The following ZMAT4 variants were observed in gnomAD, a reference collection of about 807,000 sequenced individuals.
ZMAT4 encodes zinc finger matrin-type protein 4.
In ZMAT4, 17 loss-of-function variants were observed where a neutral mutation model predicts 28.7. That is an observed-to-expected ratio of 0.59 (90% CI 0.41 to 0.89). The LOEUF is 0.89. Among genes scored for constraint, ZMAT4 ranks in the 40% least tolerant of loss-of-function variants. ZMAT4 has a pLI of 0.00. For synonymous variants in ZMAT4, 117 were observed against 109.2 expected, an observed-to-expected ratio of 1.07 and a Z score of -0.44; for missense variants, 240 against 283.8, an observed-to-expected ratio of 0.85 and a Z score of 1.11.
At chr8:40,558,026 G>T (rs1317932070) in intron 6 of ZMAT4, among the ~76,000 whole-genome samples, 11 of 152,184 alleles carry the variant, frequency 7.2e-5, no homozygotes, top group Non-Finnish European at 1.6e-4. Context: ...TGTGATGACT[G>T]GGGGCAGTGC....
chr8:40,592,593 C>T (rs576178388), intron 5 of ZMAT4, among the ~76,000 whole-genome samples: 2 of 152,156 alleles, frequency 1.3e-5, no homozygotes, highest in Non-Finnish European at 2.9e-5. Context: ...AAAGTTGTTT[C>T]CAAACAAACG....
chr8:40,604,914 T>G (rs1476680499), intron 5 of ZMAT4, among the ~76,000 whole-genome samples: 3 of 152,196 alleles, frequency 2.0e-5, no homozygotes, highest in Non-Finnish European at 4.4e-5. Flanking sequence ...GTCATTGGTC[T>G]GTTCAGAGTT....
chr8:40,635,181 T>C (rs190928238), intron 5 of ZMAT4, among the ~76,000 whole-genome samples: 59 of 152,218 alleles, frequency 3.9e-4, no homozygotes, highest in Non-Finnish European at 7.8e-4. Context: ...ATTTCATTTG[T>C]GTGATTTCTG....
chr8:40,546,117 C>A (rs894584035), intron 6 of ZMAT4, among the ~76,000 whole-genome samples: 1 of 151,882 alleles, frequency 6.6e-6, no homozygotes, highest in African/African-American at 2.4e-5. Context: ...AGGAAAACAA[C>A]GCAAAGCAAA....
chr8:40,612,093 C>T (rs561198738), intron 5 of ZMAT4, among the ~76,000 whole-genome samples: 4 of 152,260 alleles, frequency 2.6e-5, no homozygotes, highest in African/African-American at 9.6e-5. Flanking sequence ...CATTTTCCTG[C>T]TTTGTAAGAA....
chr8:40,841,408 C>T (rs562518814), intron 1 of ZMAT4, among the ~76,000 whole-genome samples: 1 of 152,204 alleles, frequency 6.6e-6, no homozygotes, highest in Non-Finnish European at 1.5e-5. Context: ...AACAAATGTG[C>T]CTGCTCCCTG....
chr8:40,748,025 A>G (rs972925322), intron 3 of ZMAT4, among the ~76,000 whole-genome samples: 19 of 152,246 alleles, frequency 1.2e-4, no homozygotes, highest in African/African-American at 4.6e-4. Context: ...TATAATGACT[A>G]TCTAAAATTA....
intron 5 of ZMAT4, among the ~76,000 whole-genome samples, chr8:40,663,841 A>T (rs944454615): frequency 6.6e-6 from 1 of 152,192 alleles, no homozygotes; most frequent in African/African-American, 2.4e-5. Flanking sequence ...CTGATTCTTA[A>T]CTAGATACAA....
At chr8:40,859,495 A>G (rs1721279085) in intron 1 of ZMAT4, among the ~76,000 whole-genome samples, 1 of 152,024 alleles carries the variant, frequency 6.6e-6, no homozygotes, top group Non-Finnish European at 1.5e-5. Flanking sequence ...CACACCCCTT[A>G]AGGATTCTGA....
At chr8:40,624,683 C>CAG (rs1357211067) in intron 5 of ZMAT4, among the ~76,000 whole-genome samples, 3 of 152,204 alleles carry the variant, frequency 2.0e-5, no homozygotes, top group African/African-American at 7.2e-5. Flanking sequence ...TACATATCCT[C>CAG]TTCCTGCCTA....
chr8:40,737,228 A>G (rs998021988), intron 3 of ZMAT4, among the ~76,000 whole-genome samples: 1 of 151,426 alleles, frequency 6.6e-6, no homozygotes, highest in Non-Finnish European at 1.5e-5. Context: ...TTTTTTTTTT[A>G]GCTCGTCAGC....
intron 3 of ZMAT4, among the ~76,000 whole-genome samples, chr8:40,730,810 CA>C (rs1448960766): frequency 1.3e-5 from 2 of 152,190 alleles, no homozygotes; most frequent in Non-Finnish European, 2.9e-5. Flanking sequence ...ATCAAGAAAG[CA>C]GTCACACTTA....
chr8:40,612,811 GTT>G (rs57134245), intron 5 of ZMAT4, among the ~76,000 whole-genome samples: 18,888 of 86,306 alleles, frequency 0.22, 3,456 homozygotes, highest in African/African-American at 0.33. Flanking sequence ...TTTGGTTTTT[GTT>G]TTTTTTTTTT....
At chr8:40,835,642 T>C (rs928263527) in intron 1 of ZMAT4, among the ~76,000 whole-genome samples, 2 of 152,202 alleles carry the variant, frequency 1.3e-5, no homozygotes, top group Non-Finnish European at 2.9e-5. Context: ...ACCAGACAGA[T>C]TGAGGGCAGA....
chr8:40,798,782 G>A (rs144620294), intron 2 of ZMAT4, among the ~76,000 whole-genome samples: 218 of 151,762 alleles, frequency 1.4e-3, no homozygotes, highest in African/African-American at 5.0e-3. Flanking sequence ...GACCTAGATC[G>A]ACACAGGGTT....
chr8:40,640,996 A>C (rs1362653252), intron 5 of ZMAT4, among the ~76,000 whole-genome samples: 2 of 151,848 alleles, frequency 1.3e-5, no homozygotes, highest in African/African-American at 4.8e-5. Context: ...AAAAAAAGAT[A>C]GACTATACAG....
At chr8:40,867,398 T>A (rs996366569) in intron 1 of ZMAT4, among the ~76,000 whole-genome samples, 1 of 152,236 alleles carries the variant, frequency 6.6e-6, no homozygotes, top group Non-Finnish European at 1.5e-5. Context: ...GTGATCCTGG[T>A]GAACATAAGT....
chr8:40,765,116 G>A (rs1362342368), intron 3 of ZMAT4, among the ~76,000 whole-genome samples: 1 of 152,110 alleles, frequency 6.6e-6, no homozygotes, highest in Non-Finnish European at 1.5e-5. Flanking sequence ...ACAGGTGTGA[G>A]CCACTGCACC....
At chr8:40,627,967 G>A (rs1806435936) in intron 5 of ZMAT4, among the ~76,000 whole-genome samples, 1 of 152,178 alleles carries the variant, frequency 6.6e-6, no homozygotes, top group Non-Finnish European at 1.5e-5. Flanking sequence ...GGAATGTGGT[G>A]GAGTTAGAAA....
Sources: allele counts gnomAD v4.1 joint callset (sites outside exome capture counted in the v4.1 genomes callset), GRCh38; gene constraint gnomAD v4.1.1; transcripts MANE v1.5; gene names NCBI Gene and HGNC (gene_info 2026-07-23, HGNC 2026-07-21).